CRTC3: variants seen among roughly 807,000 people sequenced by gnomAD.
CRTC3 encodes the protein CREB regulated transcription coactivator 3, also known as CREB-regulated transcription coactivator 3.
In CRTC3, 26 loss-of-function variants were observed where a neutral mutation model predicts 74.5. The ratio of observed to expected loss-of-function variants is 0.35; its 90% CI spans 0.26 to 0.48. The LOEUF is 0.48. Among genes scored for constraint, CRTC3 ranks in the 20% least tolerant of loss-of-function variants. The pLI, the probability that CRTC3 is intolerant of heterozygous loss-of-function variation, is 0.99. For missense variants in CRTC3, 760 were observed against 787.3 expected, an observed-to-expected ratio of 0.97 and a Z score of 0.41; for synonymous variants, 377 against 325.8, an observed-to-expected ratio of 1.16 and a Z score of -1.69.
chr15:90,622,170 T>G (rs1968673284), intron 9 of CRTC3, among the ~76,000 whole-genome samples: 1 of 152,138 alleles, frequency 6.6e-6, no homozygotes, highest in Admixed American at 6.5e-5. Flanking sequence ...TGCTTGGATC[T>G]GACGCAGAGA....
chr15:90,593,464 A>G (rs952307267), intron 2 of CRTC3, among the ~76,000 whole-genome samples, 172 bp from the exon 3 acceptor site: 1 of 152,248 alleles, frequency 6.6e-6, no homozygotes, highest in Non-Finnish European at 1.5e-5. Context: ...TATGGTTATT[A>G]TAAAGAAATA....
At chr15:90,629,101 G>A in intron 10 of CRTC3, 133 bp from the exon 11 acceptor site, 1 of 788,712 alleles carries the variant, frequency 1.3e-6, no homozygotes, top group Non-Finnish European at 2.0e-6. Flanking sequence ...AGTCCCTGTA[G>A]GAGAGCTGTC....
intron 11 of CRTC3, among the ~76,000 whole-genome samples, chr15:90,636,817 T>G (rs1969256080): frequency 6.6e-6 from 1 of 152,226 alleles, no homozygotes; most frequent in African/African-American, 2.4e-5. Flanking sequence ...TCATCATCAC[T>G]GGCCATCAGA....
intron 11 of CRTC3, among the ~76,000 whole-genome samples, chr15:90,630,425 G>A (rs1321708619): frequency 6.6e-6 from 1 of 152,160 alleles, no homozygotes; most frequent in Non-Finnish European, 1.5e-5. Flanking sequence ...TGAGAAAGAG[G>A]CACATTTAAA....
chr15:90,625,795 C>A lies in CRTC3; in HGVS notation c.769C>A (p.Gln257Lys). ...TTTCAGTGCTTTTCCACATAATGGT[C>A]AAAACCTAGGCCTCTCACCCTTCTT... ...GGGNAFPHNG[Q>K]NLGLSPFLGT... Residue 257 changes from glutamine to lysine, a missense_variant, in exon 10 of 15, where the codon CAA becomes AAA. By Grantham distance (53) the Gln-to-Lys change is moderately conservative. Transcript: ENST00000268184. The A allele has an allele frequency of 1.2e-6, 2 of 1,614,112 alleles. No individual in the cohort carries two copies. Among genetic ancestry groups the A allele is most frequent in the South Asian group, 2.2e-5 (2 of 91,064 alleles).
Position 90,537,605 on chromosome 15 carries a change from C to T in CRTC3, c.133-2434C>T, listed in dbSNP as rs374090217. On this transcript the variant is annotated intron_variant, in intron 1 of 14. Transcript: ENST00000268184. ...TTCACCGTCTTAGCCAGGATGGTCT[C>T]GATCTCCTGACCTCGTGATCCGCCC... Among the ~76,000 whole-genome samples the T allele has an allele frequency of 1.9e-4, 29 of 152,236 alleles. No individual in the cohort carries two copies. In the East Asian group the frequency reaches 4.2e-3, roughly 22 times the overall value.
chr15:90,534,884 G>A (rs893527031), intron 1 of CRTC3, among the ~76,000 whole-genome samples: 1 of 152,212 alleles, frequency 6.6e-6, no homozygotes, highest in Non-Finnish European at 1.5e-5. Context: ...GTGAGGCCAG[G>A]CGCGGTGGCT....
chr15:90,559,804 G>A (rs1046170176), intron 2 of CRTC3, among the ~76,000 whole-genome samples: 4 of 152,192 alleles, frequency 2.6e-5, no homozygotes, highest in East Asian at 1.9e-4. Context: ...TTTGTTACCC[G>A]GCTCATTTTT....
chr15:90,601,337 C>T (rs756588797), intron 3 of CRTC3, among the ~76,000 whole-genome samples: 23 of 152,120 alleles, frequency 1.5e-4, no homozygotes, highest in African/African-American at 2.4e-4. Context: ...ACATCTAATG[C>T]GCCTCTTTTT....
At position 90,607,320 on chromosome 15, in the gene CRTC3, AT is replaced by A. The variant is rs925058564; in HGVS notation, c.477-56del. The A allele has an allele frequency of 4.1e-6, 4 of 965,696 alleles. No homozygotes were observed. In the Admixed American group the frequency reaches 8.0e-5, roughly 19 times the overall value. 59.8% of individuals were successfully genotyped at this position (965,696 alleles called of 1,614,324 possible). On this transcript the variant is annotated intron_variant, in intron 5 of 14. Transcript: ENST00000268184. ...CTGTTGGTAATATTCAACAAAGACT[AT>A]TGCATTTTCACTAAGGAAAACGGAT...
chr15:90,626,735 C>T (rs1409077152), intron 10 of CRTC3, among the ~76,000 whole-genome samples: 1 of 152,076 alleles, frequency 6.6e-6, no homozygotes, highest in African/African-American at 2.4e-5. Flanking sequence ...CCTCAGCCTC[C>T]AGGGTAGCTG....
At chr15:90,615,269 A>G (rs8036302) in intron 7 of CRTC3, among the ~76,000 whole-genome samples, 1,948 of 152,322 alleles carry the variant, frequency 0.013, 49 homozygotes, top group African/African-American at 0.045. Context: ...ATCTATGGAA[A>G]TGACACTCAA....
At chr15:90,555,886 C>T (rs1161307568) in intron 2 of CRTC3, among the ~76,000 whole-genome samples, 1 of 152,060 alleles carries the variant, frequency 6.6e-6, no homozygotes, top group Non-Finnish European at 1.5e-5. Context: ...TTGTTTATAG[C>T]TTGTTCCTTA....
chr15:90,597,146 C>T (rs1967947625), intron 3 of CRTC3, among the ~76,000 whole-genome samples: 1 of 152,224 alleles, frequency 6.6e-6, no homozygotes, highest in South Asian at 2.1e-4. Flanking sequence ...GAGGCACTGC[C>T]AGGGCTTGCT....
chr15:90,566,707 C>T (rs1463395158), intron 2 of CRTC3, among the ~76,000 whole-genome samples: 1 of 125,296 alleles, frequency 8.0e-6, no homozygotes, highest in African/African-American at 2.8e-5. Flanking sequence ...TTTCTTTCCT[C>T]CTTTCTTTTT....
At chr15:90,632,534 C>T (rs564920562) in intron 11 of CRTC3, among the ~76,000 whole-genome samples, 1 of 152,132 alleles carries the variant, frequency 6.6e-6, no homozygotes, top group Admixed American at 6.5e-5. Flanking sequence ...GCTGTCTTTC[C>T]CTCTCGTTAG....
chr15:90,542,564 C>G (rs964952475), intron 2 of CRTC3, among the ~76,000 whole-genome samples: 1 of 152,142 alleles, frequency 6.6e-6, no homozygotes, highest in African/African-American at 2.4e-5. Context: ...TTCCTACAAG[C>G]AAAGACGTTG....
intron 2 of CRTC3, among the ~76,000 whole-genome samples, chr15:90,587,557 G>C (rs938741938): frequency 6.6e-6 from 1 of 152,038 alleles, no homozygotes; most frequent in African/African-American, 2.4e-5. Context: ...TGAGCCTAAG[G>C]CCCTCCTTAA....
chr15:90,633,775 C>G (rs893132420), intron 11 of CRTC3, among the ~76,000 whole-genome samples: 1 of 151,838 alleles, frequency 6.6e-6, no homozygotes, highest in Non-Finnish European at 1.5e-5. Flanking sequence ...TCTTCTCTCT[C>G]TCCTCTTTTG....
Sources: gnomAD v4.1 joint callset for allele counts (sites outside exome capture counted in the v4.1 genomes callset) on GRCh38, gnomAD v4.1.1 for gene constraint, MANE v1.5 for transcripts, NCBI Gene and HGNC (gene_info 2026-07-23, HGNC 2026-07-21) for gene names.